ABCC1: variants seen among roughly 807,000 people sequenced by gnomAD.
ABCC1 encodes multidrug resistance-associated protein 1.
In ABCC1, 83 loss-of-function variants were observed where a neutral mutation model predicts 172.9. The observed-to-expected ratio is 0.48, with a 90% CI of 0.40 to 0.58. The LOEUF is 0.58. Among genes scored for constraint, ABCC1 ranks in the 20% least tolerant of loss-of-function variants. The probability of loss-of-function intolerance (pLI) is 0.00; values close to 1 mark genes in which losing one functional copy is unlikely to be tolerated. For synonymous variants in ABCC1, 937 were observed against 825.2 expected, an observed-to-expected ratio of 1.14 and a Z score of -2.32; for missense variants, 1,817 against 2,002.7, an observed-to-expected ratio of 0.91 and a Z score of 1.77.
chr16:16,103,544 C>T (rs1364190755), intron 20 of ABCC1, among the ~76,000 whole-genome samples: 1 of 152,120 alleles, frequency 6.6e-6, no homozygotes, highest in Non-Finnish European at 1.5e-5. Context: ...TGCGCCATGG[C>T]ACTCCAGCCT....
intron 1 of ABCC1, among the ~76,000 whole-genome samples, chr16:15,992,092 C>T (rs887823594): frequency 6.6e-6 from 1 of 151,976 alleles, no homozygotes; most frequent in Non-Finnish European, 1.5e-5. Context: ...CTCATAGGAG[C>T]GCGAACCCTG....
intron 29 of ABCC1, among the ~76,000 whole-genome samples, chr16:16,137,387 G>C (rs2045954481): frequency 6.6e-6 from 1 of 151,988 alleles, no homozygotes; most frequent in African/African-American, 2.4e-5. Flanking sequence ...GCGATGGCAG[G>C]GGCACAAGAG....
intron 3 of ABCC1, among the ~76,000 whole-genome samples, chr16:16,010,834 G>A (rs1417020044): frequency 1.3e-5 from 2 of 152,220 alleles, no homozygotes; most frequent in African/African-American, 2.4e-5. Context: ...ATGTGCAGCC[G>A]AGTCAGGGGT....
intron 5 of ABCC1, among the ~76,000 whole-genome samples, chr16:16,026,156 G>A (rs1344343639): frequency 2.0e-5 from 3 of 152,128 alleles, no homozygotes; most frequent in East Asian, 3.9e-4. Flanking sequence ...TCCAGGCCGG[G>A]TGCAGTGGCT....
At chr16:16,004,530 T>A (rs1323681932) in intron 1 of ABCC1, among the ~76,000 whole-genome samples, 1 of 152,120 alleles carries the variant, frequency 6.6e-6, no homozygotes, top group Non-Finnish European at 1.5e-5. Flanking sequence ...CACGATCAAC[T>A]TCTTCTTTAC....
At chr16:15,951,847 G>A (rs920370269) in intron 1 of ABCC1, among the ~76,000 whole-genome samples, 6 of 152,020 alleles carry the variant, frequency 3.9e-5, no homozygotes, top group African/African-American at 9.7e-5. Flanking sequence ...GTGCCACCAC[G>A]CCCAGCTAAT....
chr16:16,112,892 C>G (rs2044683592), intron 22 of ABCC1, among the ~76,000 whole-genome samples: 1 of 152,162 alleles, frequency 6.6e-6, no homozygotes, highest in Non-Finnish European at 1.5e-5. Flanking sequence ...CTGAGAGATT[C>G]AGTGACCAGT....
chr16:16,114,994 G>GT lies in ABCC1; in HGVS notation c.3309dup (p.Ala1104CysfsTer76). 1 of 1,614,174 alleles carries GT rather than the reference G, an allele frequency of 6.2e-7. No individual in the cohort carries two copies. The highest frequency in any genetic ancestry group is 8.5e-7 in the Non-Finnish European group (1 of 1,180,032). On this transcript the variant is annotated frameshift_variant, in exon 23 of 31. Transcript: ENST00000399410. LOFTEE classifies it high-confidence loss of function. ...ATGGGCTCCCTGTTCAACGTCATTGGTGCCTGCATCGTTATCCTGCTGGCC... is the reference window on the plus strand; with the variant it reads ...ATGGGCTCCCTGTTCAACGTCATTGGTTGCCTGCATCGTTATCCTGCTGGCC...
intron 12 of ABCC1, among the ~76,000 whole-genome samples, chr16:16,058,154 G>A (rs2049750474): frequency 6.6e-6 from 1 of 152,140 alleles, no homozygotes; most frequent in Admixed American, 6.6e-5. Flanking sequence ...AGACAACAGT[G>A]CAACTTACAA....
intron 1 of ABCC1, among the ~76,000 whole-genome samples, chr16:15,990,804 C>A (rs1448617806): frequency 6.7e-6 from 1 of 149,156 alleles, no homozygotes; most frequent in South Asian, 2.2e-4. Flanking sequence ...TGCCTGCCGC[C>A]ACGCCCGGCT....
rs891566969 is a variant in ABCC1 at position 16,092,352 on chromosome 16, A to G, written c.2644+1764A>G. Among the ~76,000 whole-genome samples the G allele has an allele frequency of 2.6e-5, 4 of 152,272 alleles. No homozygotes were observed. The East Asian group carries it at 5.8e-4, about 22-fold the overall frequency. On this transcript the variant is annotated intron_variant, in intron 19 of 30. Transcript: ENST00000399410. ...TTAGAACTTTTTTTAATCACCCCCA[A>G]AAGAAACCCCAATCCATCAGCCATG...
chr16:15,996,779 T>C (rs148302799), intron 1 of ABCC1, among the ~76,000 whole-genome samples: 1 of 152,220 alleles, frequency 6.6e-6, no homozygotes, highest in Non-Finnish European at 1.5e-5. Flanking sequence ...TAATCAGGGC[T>C]GAACCAGGAA....
intron 18 of ABCC1, 70 bp downstream of exon 18, chr16:16,087,061 T>A: frequency 6.6e-7 from 1 of 1,521,612 alleles, no homozygotes; most frequent in Non-Finnish European, 9.0e-7. Flanking sequence ...ACGTGTCCCC[T>A]TTAGGAGTCC....
At chr16:16,076,213 G>A in intron 14 of ABCC1, 113 bp from the exon 15 acceptor site, 5 of 1,003,994 alleles carry the variant, frequency 5.0e-6, no homozygotes, top group South Asian at 1.5e-5. Context: ...AATGCCTAGC[G>A]CCATTCGTGC....
At chr16:16,087,126 C>A in intron 18 of ABCC1, 135 bp downstream of exon 18, 1 of 1,080,568 alleles carries the variant, frequency 9.3e-7, no homozygotes, top group Non-Finnish European at 1.3e-6. Flanking sequence ...ACACATTTCT[C>A]ATGCTTGTCT....
intron 7 of ABCC1, among the ~76,000 whole-genome samples, chr16:16,044,067 T>C (rs1358952445): frequency 6.6e-6 from 1 of 152,252 alleles, no homozygotes; most frequent in Non-Finnish European, 1.5e-5. Context: ...TTGATGGGGA[T>C]TGCCTTGACT....
intron 1 of ABCC1, among the ~76,000 whole-genome samples, chr16:15,987,491 G>A (rs924606630): frequency 6.6e-6 from 1 of 152,180 alleles, no homozygotes. Context: ...GATATTTCCC[G>A]TCGTGGGGGC....
At chr16:16,126,323 C>T (rs1259503890) in intron 26 of ABCC1, among the ~76,000 whole-genome samples, 1 of 152,172 alleles carries the variant, frequency 6.6e-6, no homozygotes, top group Non-Finnish European at 1.5e-5. Flanking sequence ...AGCCCTCACA[C>T]TTGGAGTCTT....
intron 1 of ABCC1, among the ~76,000 whole-genome samples, chr16:15,963,623 C>T (rs1037575985): frequency 5.3e-5 from 8 of 152,156 alleles, no homozygotes; most frequent in South Asian, 4.1e-4. Context: ...TGGAAGCTGC[C>T]GAGGCTTGGG....
Sources: gnomAD v4.1 joint callset for allele counts (sites outside exome capture counted in the v4.1 genomes callset) on GRCh38, gnomAD v4.1.1 for gene constraint, MANE v1.5 for transcripts, NCBI Gene and HGNC (gene_info 2026-07-23, HGNC 2026-07-21) for gene names.